The following FAM83A variants were observed in gnomAD, a reference collection of about 807,000 sequenced individuals.
FAM83A encodes protein FAM83A.
Under a neutral mutation model 24.4 loss-of-function variants are expected in FAM83A, and 21 were observed. That is an observed-to-expected ratio of 0.86 (90% CI 0.61 to 1.24). FAM83A has a LOEUF of 1.24. Ranked by LOEUF, FAM83A falls within the 50% of genes most tolerant of loss-of-function variation. The probability of loss-of-function intolerance (pLI) is 0.00; values close to 1 mark genes in which losing one functional copy is unlikely to be tolerated. For missense variants in FAM83A, 617 were observed against 579.8 expected, an observed-to-expected ratio of 1.06 and a Z score of -0.66; for synonymous variants, 270 against 252.4, an observed-to-expected ratio of 1.07 and a Z score of -0.66.
chr8:123,209,301 C>G lies in FAM83A; in HGVS notation c.*1613C>G. The stretch of plus-strand genomic sequence containing the variant: ...TCCTCCCTAGTCCCCTCTGCCCATC[C>G]ATCCCTCTGTTCCAATTCTCCACTG... On this transcript the variant is annotated 3_prime_UTR_variant, in exon 4 of 4. Transcript: ENST00000690554. This position sits in a 1 kb window ranked among gnomAD's most constrained non-coding sequence, Gnocchi z 4.7. 1 of 1,377,582 alleles carries G rather than the reference C, an allele frequency of 7.3e-7. No individual in the cohort carries two copies. The highest frequency in any genetic ancestry group is 9.3e-7 in the Non-Finnish European group (1 of 1,073,922). The allele number at this position is 1,377,582 out of a possible 1,614,324, so 85.3% of individuals were successfully genotyped here. A position where few individuals can be genotyped will look rare whatever the true frequency, so the allele number is the denominator to read the frequency against.
At chr8:123,186,426 GC>G (rs141685618) in intron 1 of FAM83A, among the ~76,000 whole-genome samples, 21,263 of 152,136 alleles carry the variant, frequency 0.14, 1,736 homozygotes, top group East Asian at 0.22. Flanking sequence ...CAGCCCCCGA[GC>G]GGAGCCGGAA....
At chr8:123,194,128 T>G (rs762403719) in exon 3 of FAM83A, 1 of 1,614,052 alleles carries the variant, frequency 6.2e-7, no homozygotes, top group African/African-American at 1.3e-5. Context: ...ACTGGAGATT[T>G]GTCCTGTCTG....
chr8:123,195,295 G>A (rs991288198), intron 3 of FAM83A, among the ~76,000 whole-genome samples: 3 of 152,154 alleles, frequency 2.0e-5, no homozygotes, highest in African/African-American at 7.2e-5. Flanking sequence ...TGTTAAGGAT[G>A]CAGTCTTTCC....
At chr8:123,194,242 C>T in intron 3 of FAM83A, 94 bp downstream of exon 3, 2 of 1,528,062 alleles carry the variant, frequency 1.3e-6, no homozygotes, top group South Asian at 1.2e-5. Flanking sequence ...ACAAACACCC[C>T]CAGCAGCTCC....
intron 3 of FAM83A, among the ~76,000 whole-genome samples, chr8:123,198,090 C>T (rs1044991518): frequency 3.9e-5 from 6 of 152,024 alleles, no homozygotes; most frequent in Admixed American, 2.6e-4. Flanking sequence ...GAGATCGCAC[C>T]ACTGCACTCC....
exon 4 of FAM83A, chr8:123,207,518 C>G: frequency 2.5e-6 from 4 of 1,572,514 alleles, no homozygotes; most frequent in Non-Finnish European, 3.4e-6. Flanking sequence ...TTGGGGAGCC[C>G]CGAGTCCCCA....
exon 1 of FAM83A, chr8:123,182,728 C>T (rs3739291): frequency 0.17 from 232,139 of 1,371,158 alleles, 20,821 homozygotes; most frequent in Middle Eastern, 0.19. Context: ...CCCTGCACGC[C>T]GGTCCTGGGA....
chr8:123,202,299 G>T (rs375395517), intron 3 of FAM83A: 1 of 152,830 alleles, frequency 6.5e-6, no homozygotes, highest in African/African-American at 2.4e-5. Context: ...CTTTCGAGTC[G>T]CAGGGCCTTT....
At chr8:123,205,121 T>A (rs1824497419) in intron 3 of FAM83A, among the ~76,000 whole-genome samples, 1 of 151,812 alleles carries the variant, frequency 6.6e-6, no homozygotes, top group Non-Finnish European at 1.5e-5. Flanking sequence ...CAAAAAAAAA[T>A]TTTAAAAGAA....
At position 123,191,927 on chromosome 8, in the gene FAM83A, AG is replaced by A; in HGVS notation, c.607del (p.Glu203ArgfsTer94). ...GACCAGGGAGGTGTGAAGCTCTTCC[AG>A]GAGATGTGTGACAAAGTCCAGATCT... On this transcript the variant is annotated frameshift_variant, in exon 2 of 4. Coordinates refer to ENST00000690554, the Ensembl canonical transcript of FAM83A. LOFTEE classifies it high-confidence loss of function. 1 of 1,614,178 alleles carries A rather than the reference AG, an allele frequency of 6.2e-7. No individual in the cohort carries two copies. Among genetic ancestry groups the A allele is most frequent in the Non-Finnish European group, 8.5e-7 (1 of 1,180,028 alleles).
At position 123,187,187 on chromosome 8, in the gene FAM83A, G is replaced by A. The variant is rs1210933403; in HGVS notation, c.480+3851G>A. 3.3e-5 allele frequency among the ~76,000 whole-genome samples: 5 copies of A among 152,172 alleles called. No individual in the cohort carries two copies. In the East Asian group the frequency reaches 9.7e-4, roughly 29 times the overall value. ...GGCCCATGTGTCTTGGAGGTGATGG[G>A]ACCAGAGCTTGGGGATGTGATAAAG... On this transcript the variant is annotated intron_variant, in intron 1 of 3. Transcript: ENST00000690554.
chr8:123,192,443 C>T (rs1824012525), intron 2 of FAM83A, among the ~76,000 whole-genome samples: 1 of 152,156 alleles, frequency 6.6e-6, no homozygotes, highest in South Asian at 2.1e-4. Context: ...CTCCCTGGTC[C>T]CAACAAGACA....
chr8:123,196,294 G>A (rs1410915009), intron 3 of FAM83A, among the ~76,000 whole-genome samples: 1 of 152,238 alleles, frequency 6.6e-6, no homozygotes, highest in Admixed American at 6.5e-5. Context: ...TTACAGGCAT[G>A]AGCCACCGCT....
Position 123,209,768 on chromosome 8 carries a change from G to A in FAM83A, c.*2080G>A, listed in dbSNP as rs1352187754. On this transcript the variant is annotated 3_prime_UTR_variant, in exon 4 of 4. Coordinates refer to ENST00000690554, the Ensembl canonical transcript of FAM83A. This position sits in a 1 kb window ranked among gnomAD's most constrained non-coding sequence, Gnocchi z 4.7. Reference sequence around the variant, plus strand: ...ACCCTCCATCAGCAGTCTCCCCTCCGTGGTCGTCTTTGTTGACAAAGGTGC... The same window carrying A: ...ACCCTCCATCAGCAGTCTCCCCTCCATGGTCGTCTTTGTTGACAAAGGTGC... 14 of 573,632 alleles carry A rather than the reference G, an allele frequency of 2.4e-5. No homozygotes were observed. The highest frequency in any genetic ancestry group is 3.4e-5 in the Non-Finnish European group (11 of 324,362). 35.5% of individuals were successfully genotyped at this position (573,632 alleles called of 1,614,324 possible). A position where few individuals can be genotyped will look rare whatever the true frequency, so the allele number is the denominator to read the frequency against.
At chr8:123,204,744 G>A (rs1017238774) in intron 3 of FAM83A, among the ~76,000 whole-genome samples, 1 of 151,732 alleles carries the variant, frequency 6.6e-6, no homozygotes, top group Non-Finnish European at 1.5e-5. Context: ...CTGGACGACA[G>A]AGCCAGACTC....
At chr8:123,207,223 G>C in exon 4 of FAM83A, 2 of 1,612,476 alleles carry the variant, frequency 1.2e-6, no homozygotes, top group Admixed American at 3.3e-5. Flanking sequence ...AGGCGGTGGA[G>C]CTGTTTGACG....
chr8:123,183,286 C>T (rs1041536695), exon 1 of FAM83A: 4 of 1,613,240 alleles, frequency 2.5e-6, no homozygotes, highest in Non-Finnish European at 3.4e-6. Context: ...GACCGTCAAG[C>T]ACAACAACAT....
chr8:123,189,419 A>G (rs1823902196), intron 1 of FAM83A, among the ~76,000 whole-genome samples: 1 of 152,196 alleles, frequency 6.6e-6, no homozygotes, highest in South Asian at 2.1e-4. Context: ...ATGATTAGAA[A>G]GATAGTGGAA....
At chr8:123,182,757 G>T (rs917202072) in exon 1 of FAM83A, 16 of 1,480,954 alleles carry the variant, frequency 1.1e-5, no homozygotes, top group African/African-American at 1.4e-5. Flanking sequence ...CCTCCCGGGG[G>T]TGCGGGAGCC....
Sources: gnomAD v4.1 joint callset for allele counts (sites outside exome capture counted in the v4.1 genomes callset) on GRCh38, gnomAD v4.1.1 for gene constraint, Gnocchi (gnomAD v3.1) non-coding constraint, MANE v1.5 for transcripts, NCBI Gene and HGNC (gene_info 2026-07-23, HGNC 2026-07-21) for gene names.